CHD2: variants seen among roughly 807,000 people sequenced by gnomAD.
CHD2 encodes the protein ATP-dependent chromatin remodeler CHD2.
CHD2 carries 28 observed loss-of-function variants against 243.9 expected under a neutral mutation model. That is an observed-to-expected ratio of 0.11 (90% CI 0.09 to 0.16). CHD2 has a LOEUF of 0.16. CHD2 is among the 10% of genes least tolerant of loss of function. The pLI is 1.00. For synonymous variants in CHD2, 775 were observed against 779.0 expected (o/e 0.99, Z 0.09); for missense variants, 1,386 against 2,209.8 (o/e 0.63, Z 7.47).
chr15:93,012,858 G>C (rs1380387771), intron 36 of CHD2, among the ~76,000 whole-genome samples: 1 of 152,212 alleles, frequency 6.6e-6, no homozygotes, highest in Non-Finnish European at 1.5e-5. Flanking sequence ...ACTTGTGAGA[G>C]GTGCTCAGAA....
intron 34 of CHD2, among the ~76,000 whole-genome samples, chr15:93,006,077 C>CT (rs1476574151): frequency 6.6e-6 from 1 of 151,200 alleles, no homozygotes; most frequent in East Asian, 1.9e-4. Context: ...AGCTGAATCC[C>CT]TTGGTGTTCC....
intron 13 of CHD2, among the ~76,000 whole-genome samples, chr15:92,952,878 C>T (rs1359990686): frequency 6.6e-6 from 1 of 152,202 alleles, no homozygotes; most frequent in East Asian, 1.9e-4. Context: ...AAACAAGCCC[C>T]ATGCACCTAT....
intron 2 of CHD2, chr15:92,904,753 T>A: frequency 7.2e-7 from 1 of 1,396,240 alleles, no homozygotes; most frequent in Non-Finnish European, 9.3e-7. Flanking sequence ...ATTTTCCCTT[T>A]TCATACCTTA....
intron 32 of CHD2, among the ~76,000 whole-genome samples, chr15:93,000,859 G>T (rs888185802): frequency 1.3e-5 from 2 of 152,132 alleles, no homozygotes; most frequent in African/African-American, 2.4e-5. Flanking sequence ...TGACATTTTT[G>T]TTGTTGTTGT....
intron 2 of CHD2, among the ~76,000 whole-genome samples, chr15:92,914,019 G>C (rs1006710494): frequency 3.3e-5 from 5 of 152,176 alleles, no homozygotes; most frequent in Non-Finnish European, 5.9e-5. Context: ...ATTGGGATTG[G>C]TAATCAGATC....
intron 16 of CHD2, among the ~76,000 whole-genome samples, chr15:92,957,898 A>C (rs1450067233): frequency 6.6e-6 from 1 of 152,092 alleles, no homozygotes; most frequent in African/African-American, 2.4e-5. Context: ...TAGAAGTTTT[A>C]TATAAGTGGA....
intron 2 of CHD2, among the ~76,000 whole-genome samples, chr15:92,917,099 CTAT>C (rs2052853691): frequency 6.6e-6 from 1 of 152,108 alleles, no homozygotes; most frequent in Admixed American, 6.6e-5. Flanking sequence ...TGTTGTGTAT[CTAT>C]ATACTTTGTT....
At chr15:92,986,594 CTCT>C (rs2054046300) in intron 26 of CHD2, among the ~76,000 whole-genome samples, 1 of 152,280 alleles carries the variant, frequency 6.6e-6, no homozygotes, top group East Asian at 1.9e-4. Context: ...CACACCCCAC[CTCT>C]TCTTGCTCCC....
intron 13 of CHD2, chr15:92,949,341 C>T: frequency 7.9e-6 from 6 of 757,536 alleles, no homozygotes; most frequent in South Asian, 3.2e-5. Context: ...AAACCTGTAT[C>T]ATCATATGTT....
chr15:93,024,572 C>G lies in CHD2; in HGVS notation c.5354C>G (p.Ser1785Ter). The change falls in exon 39 of 39, where the codon TCA becomes TGA. Residue 1785 changes from serine (S) to a stop codon, truncating the protein, a stop_gained. Transcript: ENST00000394196. LOFTEE classifies it high-confidence loss of function. ...CTACCCCCATTGCACCCTGCAGTCT[C>G]AGATCCTCGCTCACCCCCTTCTCAG... The part of the protein sequence containing the change: ...QPLPPLHPAV[S>*]DPRSPPSQKS... 6.2e-7 allele frequency: 1 copy of G among 1,614,238 alleles called. No homozygotes were observed. The highest frequency in any genetic ancestry group is 8.5e-7 in the Non-Finnish European group (1 of 1,180,046).
At chr15:93,022,351 AACTC>A (rs1332164147) in intron 38 of CHD2, among the ~76,000 whole-genome samples, 2 of 152,138 alleles carry the variant, frequency 1.3e-5, no homozygotes, top group African/African-American at 2.4e-5. Context: ...GAACTCAGAG[AACTC>A]ACTCATTATC....
At chr15:93,002,924 T>A (rs2054275476) in intron 33 of CHD2, among the ~76,000 whole-genome samples, 1 of 152,180 alleles carries the variant, frequency 6.6e-6, no homozygotes, top group South Asian at 2.1e-4. Flanking sequence ...GATAAGTGCC[T>A]TTGAAACTTT....
At chr15:92,910,214 C>T (rs1174948475) in intron 2 of CHD2, among the ~76,000 whole-genome samples, 2 of 151,976 alleles carry the variant, frequency 1.3e-5, no homozygotes, top group Non-Finnish European at 2.9e-5. Context: ...CGCCACGTTT[C>T]CCAGGCTGGT....
At chr15:92,931,986 C>A (rs2053176925) in intron 5 of CHD2, among the ~76,000 whole-genome samples, 2 of 151,908 alleles carry the variant, frequency 1.3e-5, no homozygotes, top group Admixed American at 6.6e-5. Flanking sequence ...CCTTAGCCTC[C>A]CGAGTAGCTG....
intron 20 of CHD2, among the ~76,000 whole-genome samples, chr15:92,976,278 G>A (rs1003695279): frequency 6.6e-6 from 1 of 151,946 alleles, no homozygotes; most frequent in Non-Finnish European, 1.5e-5. Context: ...TACCATTTCT[G>A]CAGTATTTTA....
intron 2 of CHD2, chr15:92,904,260 C>T (rs1197640698): frequency 6.3e-6 from 1 of 158,000 alleles, no homozygotes; most frequent in East Asian, 1.9e-4. Flanking sequence ...ACTCGCCAAA[C>T]AGCAGGAAGT....
At chr15:92,996,322 G>C (rs2054187649) in intron 28 of CHD2, among the ~76,000 whole-genome samples, 3 of 151,670 alleles carry the variant, frequency 2.0e-5, no homozygotes, top group Non-Finnish European at 4.4e-5. Context: ...ACCACACCTG[G>C]CTAATTTTTT....
At chr15:93,010,665 C>G (rs915449239) in intron 35 of CHD2, among the ~76,000 whole-genome samples, 6 of 152,178 alleles carry the variant, frequency 3.9e-5, no homozygotes, top group Non-Finnish European at 1.5e-5. Context: ...CTTAGGTGAT[C>G]CGCCCGCCTT....
At chr15:92,906,406 T>C (rs908609816) in intron 2 of CHD2, among the ~76,000 whole-genome samples, 13 of 152,212 alleles carry the variant, frequency 8.5e-5, no homozygotes, top group Admixed American at 7.9e-4. Context: ...GTGACAGTTG[T>C]AGCAAGTTAT....
Sources: gnomAD v4.1 joint callset for allele counts (sites outside exome capture counted in the v4.1 genomes callset) on GRCh38, gnomAD v4.1.1 for gene constraint, MANE v1.5 for transcripts, NCBI Gene and HGNC (gene_info 2026-07-23, HGNC 2026-07-21) for gene names.